The following FAM13A variants were observed in gnomAD, a reference collection of about 807,000 sequenced individuals.
The protein encoded by FAM13A is protein FAM13A.
In FAM13A, 76 loss-of-function variants were observed where a neutral mutation model predicts 129.6. The ratio of observed to expected loss-of-function variants is 0.59; its 90% confidence interval spans 0.49 to 0.71. The LOEUF (loss-of-function observed/expected upper bound fraction) is 0.71. Among genes scored for constraint, FAM13A ranks in the 30% least tolerant of loss-of-function variants. FAM13A has a pLI of 0.00. For missense variants in FAM13A, 1,108 were observed against 1,249.3 expected (o/e 0.89, Z 1.70); for synonymous variants, 443 against 449.9 (o/e 0.98, Z 0.20).
chr4:88,810,093 C>A (rs1454567788), intron 7 of FAM13A, among the ~76,000 whole-genome samples: 1 of 151,932 alleles, frequency 6.6e-6, no homozygotes, highest in Non-Finnish European at 1.5e-5. Context: ...TTTTCCAGAC[C>A]AAAGGTTAAA....
intron 1 of FAM13A, among the ~76,000 whole-genome samples, chr4:89,051,819 AAATTTCATTAGATCTTAAGGCTCAAGAAT>A (rs1189947210): frequency 3.3e-5 from 5 of 152,200 alleles, no homozygotes; most frequent in Non-Finnish European, 7.3e-5. Context: ...CAATGGAACA[AAATTTCATTAGATCTTAAGGCTCAAGAAT>A]AATCCTTTTT....
chr4:88,765,909 C>T (rs1195112587), intron 13 of FAM13A, among the ~76,000 whole-genome samples: 2 of 152,140 alleles, frequency 1.3e-5, no homozygotes, highest in African/African-American at 4.8e-5. Flanking sequence ...ATGAGTAACA[C>T]ACAGAAGAAG....
chr4:88,735,598 T>TC (rs1738820611), intron 21 of FAM13A, among the ~76,000 whole-genome samples: 1 of 152,156 alleles, frequency 6.6e-6, no homozygotes, highest in South Asian at 2.1e-4. Flanking sequence ...GCTGGTTCGT[T>TC]CCCAAAAGCA....
At chr4:89,049,941 T>G (rs1771337541) in intron 1 of FAM13A, among the ~76,000 whole-genome samples, 1 of 151,588 alleles carries the variant, frequency 6.6e-6, no homozygotes, top group African/African-American at 2.4e-5. Flanking sequence ...AACATTAATT[T>G]AACAACTACT....
intron 3 of FAM13A, among the ~76,000 whole-genome samples, chr4:89,018,583 T>C (rs540666749): frequency 6.6e-6 from 1 of 152,324 alleles, no homozygotes; most frequent in South Asian, 2.1e-4. Flanking sequence ...ATAGAACTTA[T>C]TAAGGTGAGA....
chr4:88,940,962 A>G (rs1250705489), intron 4 of FAM13A, among the ~76,000 whole-genome samples: 1 of 152,234 alleles, frequency 6.6e-6, no homozygotes, highest in Non-Finnish European at 1.5e-5. Flanking sequence ...TGAAAGGATG[A>G]TGTTGGCACC....
At chr4:88,923,980 G>C (rs1751638265) in intron 5 of FAM13A, among the ~76,000 whole-genome samples, 1 of 152,002 alleles carries the variant, frequency 6.6e-6, no homozygotes, top group Admixed American at 6.6e-5. Context: ...AAAATACCTA[G>C]GAATCCAACT....
chr4:88,740,585 TA>T (rs1392816617), intron 19 of FAM13A, among the ~76,000 whole-genome samples: 1 of 152,248 alleles, frequency 6.6e-6, no homozygotes, highest in East Asian at 1.9e-4. Context: ...ATTTCACATA[TA>T]ATAAGGCAAG....
chr4:88,759,467 C>G (rs997773474), intron 13 of FAM13A: 3 of 152,356 alleles, frequency 2.0e-5, no homozygotes, highest in African/African-American at 7.2e-5. Flanking sequence ...ATTGGGAGAA[C>G]AGACTATTTA....
At position 88,758,757 on chromosome 4, in the gene FAM13A, C is replaced by T. The variant is rs921586; in HGVS notation, c.1723G>A (p.Glu575Lys). The T allele has an allele frequency of 6.2e-7, 1 of 1,612,558 alleles. No homozygotes were observed. The highest frequency in any genetic ancestry group is 8.5e-7 in the Non-Finnish European group (1 of 1,179,254). The change falls in exon 14 of 24, where the codon GAA becomes AAA. Residue 575 changes from glutamate to lysine, a missense_variant. Coordinates refer to ENST00000264344, the MANE Select transcript of FAM13A (RefSeq NM_014883.4). ...LTALCDEKNW[E>K]EPIPAFSSWQ... ...TCCAAGTATCAGACAACCCTACCTT[C>T]CCAGTTCTTTTCATCACACAATGCA... is the stretch of plus-strand genomic sequence containing the variant.
intron 6 of FAM13A, among the ~76,000 whole-genome samples, chr4:88,886,904 T>C (rs1199325915): frequency 9.3e-6 from 1 of 107,272 alleles, no homozygotes; most frequent in Non-Finnish European, 2.1e-5. Flanking sequence ...TGAAACTCTA[T>C]CTCAAAAAAA....
Position 89,004,975 on chromosome 4 carries a change from G to A in FAM13A, c.428-13825C>T, listed in dbSNP as rs969914522. Reference sequence around the variant, plus strand: ...AGGTTTGTTACATAGGTAAACTCATGTCATGGTTTTTTTTTTGGTACAGAT... The same window carrying A: ...AGGTTTGTTACATAGGTAAACTCATATCATGGTTTTTTTTTTGGTACAGAT... On this transcript the variant is annotated intron_variant, in intron 3 of 23. Transcript: ENST00000264344. Among the ~76,000 whole-genome samples, 2 of 106,426 alleles carry A rather than the reference G, an allele frequency of 1.9e-5. 1 individual carries two copies. The highest frequency in any genetic ancestry group is 5.9e-5 in the African/African-American group (2 of 34,112). 69.8% of individuals were successfully genotyped at this position (106,426 alleles called of 152,430 possible).
At chr4:89,003,497 G>T (rs1764565450) in intron 3 of FAM13A, among the ~76,000 whole-genome samples, 1 of 152,046 alleles carries the variant, frequency 6.6e-6, no homozygotes, top group Non-Finnish European at 1.5e-5. Context: ...TGTAATCCCA[G>T]ATACCTAGGA....
intron 1 of FAM13A, among the ~76,000 whole-genome samples, chr4:89,051,420 A>G (rs1156820895): frequency 3.9e-5 from 6 of 152,176 alleles, no homozygotes. Context: ...ATCACATTGG[A>G]GAATAGGTTT....
At chr4:88,823,948 CA>C (rs1218745622) in intron 7 of FAM13A, among the ~76,000 whole-genome samples, 5 of 152,192 alleles carry the variant, frequency 3.3e-5, no homozygotes, top group Non-Finnish European at 7.3e-5. Flanking sequence ...TGTGTTTACA[CA>C]GTTATTTTTC....
At chr4:88,769,612 T>A (rs1720211679) in intron 11 of FAM13A, among the ~76,000 whole-genome samples, 1 of 152,098 alleles carries the variant, frequency 6.6e-6, no homozygotes, top group South Asian at 2.1e-4. Context: ...GGCGGGCAGA[T>A]CACGAGGTCA....
chr4:89,003,854 A>G (rs1162678685), intron 3 of FAM13A, among the ~76,000 whole-genome samples: 1 of 152,204 alleles, frequency 6.6e-6, no homozygotes, highest in Non-Finnish European at 1.5e-5. Flanking sequence ...AGATATCTGA[A>G]AGTGAGCAAT....
At chr4:88,817,140 TATGATATGATTACATGCAAACTG>T (rs1363169005) in intron 7 of FAM13A, among the ~76,000 whole-genome samples, 4 of 152,316 alleles carry the variant, frequency 2.6e-5, no homozygotes, top group Non-Finnish European at 4.4e-5. Context: ...AAAGATTACC[TATGATATGATTACATGCAAACTG>T]ATGATATGAT....
intron 4 of FAM13A, among the ~76,000 whole-genome samples, chr4:88,982,517 T>C (rs1761768299): frequency 6.6e-6 from 1 of 152,170 alleles, no homozygotes; most frequent in African/African-American, 2.4e-5. Context: ...AACAGGAAAA[T>C]AATGCAGGCC....
Sources: allele counts gnomAD v4.1 joint callset (sites outside exome capture counted in the v4.1 genomes callset), GRCh38; gene constraint gnomAD v4.1.1; transcripts MANE v1.5; gene names NCBI Gene and HGNC (gene_info 2026-07-23, HGNC 2026-07-21).